CSMD3: variants seen among roughly 807,000 people sequenced by gnomAD.
The protein encoded by CSMD3 is CUB and sushi domain-containing protein 3.
Under a neutral mutation model 435.2 loss-of-function variants are expected in CSMD3, and 177 were observed. The observed-to-expected ratio is 0.41, with a 90% confidence interval of 0.36 to 0.46. The LOEUF (loss-of-function observed/expected upper bound fraction) is 0.46, where lower values mean the gene tolerates loss of function less well. CSMD3 is among the 20% of genes least tolerant of loss of function. The probability of loss-of-function intolerance (pLI) is 0.34; values close to 1 mark genes in which losing one functional copy is unlikely to be tolerated. For missense variants in CSMD3, 4,265 were observed against 4,504.6 expected (o/e 0.95, Z 1.52); for synonymous variants, 1,656 against 1,520.5 (o/e 1.09, Z -2.07).
intron 12 of CSMD3, among the ~76,000 whole-genome samples, chr8:112,813,543 C>T (rs764806599): frequency 6.6e-5 from 10 of 151,782 alleles, no homozygotes; most frequent in Middle Eastern, 3.4e-3. Context: ...TTTAGTTTTG[C>T]GGGAGGGGGA....
intron 22 of CSMD3, among the ~76,000 whole-genome samples, chr8:112,615,235 A>G (rs1833573155): frequency 1.3e-5 from 2 of 152,176 alleles, no homozygotes; most frequent in Non-Finnish European, 2.9e-5. Flanking sequence ...CATAAAATGC[A>G]TGAACTTGAA....
chr8:113,299,063 G>A (rs1394873417), intron 2 of CSMD3, among the ~76,000 whole-genome samples: 1 of 152,106 alleles, frequency 6.6e-6, no homozygotes, highest in Non-Finnish European at 1.5e-5. Context: ...TGGCTCACAA[G>A]TGCATTGAGC....
rs550904221 is a variant in CSMD3, at chr8:113,046,483, G to T, written c.918-27304C>A. On this transcript the variant is annotated intron_variant, in intron 5 of 70. Transcript: ENST00000297405. ...AGTTCTGAAGTCCGCGGGCCTGAGA[G>T]GAACGCAAAACTCCCTCATTCCGAG... 2.9e-4 allele frequency among the ~76,000 whole-genome samples: 44 copies of T among 151,718 alleles called. 3 individuals carry two copies. The highest frequency in any genetic ancestry group is 5.9e-4 in the Non-Finnish European group (40 of 67,786).
At chr8:112,594,008 G>A (rs1831433710) in intron 22 of CSMD3, among the ~76,000 whole-genome samples, 1 of 152,172 alleles carries the variant, frequency 6.6e-6, no homozygotes, top group Non-Finnish European at 1.5e-5. Flanking sequence ...ATAGTACAGG[G>A]GAGGAGCCAA....
intron 38 of CSMD3, 83 bp from the exon 39 acceptor site, chr8:112,352,617 A>C (rs897311732): frequency 8.3e-7 from 1 of 1,203,674 alleles, no homozygotes; most frequent in Non-Finnish European, 1.2e-6. Flanking sequence ...CTAAAATTGA[A>C]TATCAGTGTC....
chr8:113,124,449 CTCTT>C (rs1564342090), intron 4 of CSMD3, among the ~76,000 whole-genome samples: 1 of 150,766 alleles, frequency 6.6e-6, no homozygotes, highest in African/African-American at 2.4e-5. Flanking sequence ...TTTGATGGGA[CTCTT>C]TCTCATTATA....
intron 10 of CSMD3, among the ~76,000 whole-genome samples, chr8:112,919,184 GCTT>G (rs2082659778): frequency 6.6e-6 from 1 of 151,672 alleles, no homozygotes; most frequent in African/African-American, 2.4e-5. Context: ...TTGAACATGT[GCTT>G]TTTTTATACT....
chr8:112,481,401 T>G (rs539762276), intron 31 of CSMD3, among the ~76,000 whole-genome samples: 2 of 152,224 alleles, frequency 1.3e-5, no homozygotes, highest in Non-Finnish European at 2.9e-5. Context: ...GTGTAATGCA[T>G]AATTTATTAT....
chr8:112,600,860 G>T (rs529423102), intron 22 of CSMD3, among the ~76,000 whole-genome samples: 1 of 151,954 alleles, frequency 6.6e-6, no homozygotes, highest in Non-Finnish European at 1.5e-5. Context: ...TGTATTTTTA[G>T]TAGAGACGGG....
intron 6 of CSMD3, among the ~76,000 whole-genome samples, chr8:113,002,358 C>T (rs1249456660): frequency 6.6e-6 from 1 of 152,018 alleles, no homozygotes; most frequent in Admixed American, 6.6e-5. Context: ...TATCCTAATG[C>T]ATTTATTATT....
chr8:112,875,719 A>C (rs917727387), intron 10 of CSMD3, among the ~76,000 whole-genome samples: 4 of 152,008 alleles, frequency 2.6e-5, no homozygotes, highest in South Asian at 4.1e-4. Flanking sequence ...TTTGGCTGAT[A>C]CTTGTGTATG....
intron 1 of CSMD3, among the ~76,000 whole-genome samples, chr8:113,418,512 A>G (rs1018079488): frequency 9.2e-5 from 14 of 152,220 alleles, no homozygotes; most frequent in Admixed American, 9.2e-4. Flanking sequence ...TCAAAAAAGA[A>G]CCTAAAGTCT....
intron 9 of CSMD3, among the ~76,000 whole-genome samples, chr8:112,938,651 A>C (rs1278782664): frequency 6.6e-6 from 1 of 152,160 alleles, no homozygotes; most frequent in Non-Finnish European, 1.5e-5. Flanking sequence ...TTTTACTTTT[A>C]CATTGATTTT....
At chr8:113,130,042 A>G (rs2091245589) in intron 4 of CSMD3, among the ~76,000 whole-genome samples, 1 of 152,026 alleles carries the variant, frequency 6.6e-6, no homozygotes, top group South Asian at 2.1e-4. Flanking sequence ...TTATTAAAAT[A>G]TGATCAAAAT....
At chr8:112,914,887 A>G (rs138683168) in intron 10 of CSMD3, among the ~76,000 whole-genome samples, 96 of 152,022 alleles carry the variant, frequency 6.3e-4, no homozygotes, top group Non-Finnish European at 1.3e-3. Context: ...GTGAGATTTT[A>G]CTGTGGAGAA....
intron 32 of CSMD3, among the ~76,000 whole-genome samples, chr8:112,438,602 GA>G (rs1312244674): frequency 2.0e-5 from 3 of 152,006 alleles, no homozygotes; most frequent in Admixed American, 2.0e-4. Flanking sequence ...TAAACCAAGA[GA>G]AAAAACTCTA....
At chr8:112,939,021 G>A (rs947942473) in intron 9 of CSMD3, among the ~76,000 whole-genome samples, 24 of 152,164 alleles carry the variant, frequency 1.6e-4, no homozygotes, top group South Asian at 4.1e-4. Context: ...ATGTATGTAC[G>A]TGATAACTGA....
intron 50 of CSMD3, among the ~76,000 whole-genome samples, chr8:112,307,179 G>A (rs752161634): frequency 1.3e-5 from 2 of 151,430 alleles, no homozygotes; most frequent in Non-Finnish European, 2.9e-5. Flanking sequence ...GCTGGAGTGC[G>A]GTGGCACTAT....
At chr8:113,294,329 TCAAA>T (rs2093704847) in intron 2 of CSMD3, among the ~76,000 whole-genome samples, 1 of 152,084 alleles carries the variant, frequency 6.6e-6, no homozygotes, top group African/African-American at 2.4e-5. Flanking sequence ...CTACTATGAA[TCAAA>T]CATTCAACAT....
Sources: allele counts gnomAD v4.1 joint callset (sites outside exome capture counted in the v4.1 genomes callset), GRCh38; gene constraint gnomAD v4.1.1; transcripts MANE v1.5; gene names NCBI Gene and HGNC (gene_info 2026-07-23, HGNC 2026-07-21).